The following TDP1 variants were observed in gnomAD, a reference collection of about 807,000 sequenced individuals.
TDP1 encodes tyrosyl-DNA phosphodiesterase 1, also known as tyr-DNA phosphodiesterase 1.
A neutral mutation model predicts 81.5 loss-of-function variants in TDP1; 64 were observed. The ratio of observed to expected loss-of-function variants is 0.79; its 90% CI spans 0.64 to 0.97. The LOEUF is 0.97. TDP1 is among the 50% of genes least tolerant of loss of function. The pLI, the probability that TDP1 is intolerant of heterozygous loss-of-function variation, is 0.00. For synonymous variants in TDP1, 256 were observed against 264.3 expected, an observed-to-expected ratio of 0.97 and a Z score of 0.30; for missense variants, 723 against 743.8, an observed-to-expected ratio of 0.97 and a Z score of 0.33.
chr14:89,964,632 G>A (rs747349696), intron 3 of TDP1, among the ~76,000 whole-genome samples: 13 of 152,280 alleles, frequency 8.5e-5, no homozygotes, highest in South Asian at 6.2e-4. Flanking sequence ...ACATGTTGGA[G>A]TATTTCATAC....
intron 15 of TDP1, among the ~76,000 whole-genome samples, chr14:90,030,939 T>C (rs1362609446): frequency 1.3e-5 from 2 of 151,780 alleles, no homozygotes; most frequent in Non-Finnish European, 2.9e-5. Context: ...TAATTTTTTT[T>C]TTTGTATTTA....
At chr14:89,980,037 C>T (rs1239954315) in intron 7 of TDP1, 1 of 326,584 alleles carries the variant, frequency 3.1e-6, no homozygotes, top group East Asian at 1.7e-4. Flanking sequence ...AAGAAATACA[C>T]TTTACATTTC....
intron 7 of TDP1, 78 bp downstream of exon 7, chr14:89,975,893 T>A: frequency 8.1e-7 from 1 of 1,233,664 alleles, no homozygotes; most frequent in Non-Finnish European, 1.2e-6. Flanking sequence ...TAGGAGAGAC[T>A]GAGCATGGTA....
chr14:89,987,895 G>T (rs1197252933), intron 10 of TDP1, among the ~76,000 whole-genome samples: 7 of 152,080 alleles, frequency 4.6e-5, no homozygotes, highest in East Asian at 3.9e-4. Flanking sequence ...AAAGAAATAT[G>T]GGGGTAGCCT....
At chr14:90,019,751 G>A (rs530940645) in intron 15 of TDP1, among the ~76,000 whole-genome samples, 6 of 152,260 alleles carry the variant, frequency 3.9e-5, no homozygotes, top group African/African-American at 1.4e-4. Context: ...CCAAAGGAAT[G>A]GCCCAATCAA....
chr14:90,029,745 C>T (rs1405821407), intron 15 of TDP1, among the ~76,000 whole-genome samples: 5 of 152,096 alleles, frequency 3.3e-5, no homozygotes, highest in Admixed American at 2.6e-4. Context: ...GTGATCCACC[C>T]GCCTTGGCCT....
chr14:90,029,574 G>T (rs1005162328), intron 15 of TDP1, among the ~76,000 whole-genome samples: 36 of 145,848 alleles, frequency 2.5e-4, no homozygotes, highest in Non-Finnish European at 3.7e-4. Context: ...TCTCGGCTCA[G>T]TGCAACCTCT....
chr14:89,964,705 T>G, intron 3 of TDP1: 1 of 290,118 alleles, frequency 3.4e-6, no homozygotes, highest in Non-Finnish European at 6.7e-6. Flanking sequence ...TTTGTCAAGT[T>G]TTTTGTTTGT....
At chr14:90,031,164 T>C (rs1887240014) in intron 15 of TDP1, among the ~76,000 whole-genome samples, 1 of 152,036 alleles carries the variant, frequency 6.6e-6, no homozygotes, top group South Asian at 2.1e-4. Context: ...ATGTGCAGGT[T>C]AGTTACATAT....
intron 16 of TDP1, 43 bp downstream of exon 16, chr14:90,033,257 G>C (rs1410829997): frequency 2.6e-6 from 3 of 1,152,826 alleles, no homozygotes; most frequent in African/African-American, 3.0e-5. Flanking sequence ...ATATGCATAA[G>C]AAAAACAAAC....
At chr14:89,987,056 A>C (rs981059546) in intron 10 of TDP1, 2 of 152,218 alleles carry the variant, frequency 1.3e-5, no homozygotes, top group African/African-American at 4.8e-5. Flanking sequence ...TGTGTATGTA[A>C]ATATTCTCTT....
chr14:89,991,462 C>T (rs1896172115), intron 12 of TDP1: 1 of 721,646 alleles, frequency 1.4e-6, no homozygotes, highest in East Asian at 1.3e-4. Context: ...TACTTTTATT[C>T]TCGACACAGA....
At chr14:90,005,659 G>C (rs935283044) in intron 14 of TDP1, among the ~76,000 whole-genome samples, 1 of 152,206 alleles carries the variant, frequency 6.6e-6, no homozygotes, top group African/African-American at 2.4e-5. Flanking sequence ...CAAGGTAACA[G>C]AGCTAGCCAA....
chr14:89,994,309 T>C (rs1896479447), intron 14 of TDP1, among the ~76,000 whole-genome samples: 1 of 152,226 alleles, frequency 6.6e-6, no homozygotes, highest in African/African-American at 2.4e-5. Flanking sequence ...AATTGGCTCA[T>C]GCAATTGTAG....
At chr14:90,003,127 G>A (rs1897324988) in intron 14 of TDP1, among the ~76,000 whole-genome samples, 1 of 152,064 alleles carries the variant, frequency 6.6e-6, no homozygotes, top group African/African-American at 2.4e-5. Flanking sequence ...TAGTAGAGAT[G>A]AGGTTTCACG....
At chr14:90,012,781 G>A (rs1479934060) in intron 14 of TDP1, among the ~76,000 whole-genome samples, 1 of 152,044 alleles carries the variant, frequency 6.6e-6, no homozygotes, top group African/African-American at 2.4e-5. Context: ...CAGCTTGCAT[G>A]GTGGGCCTGG....
intron 6 of TDP1, among the ~76,000 whole-genome samples, chr14:89,974,021 T>C (rs1198410946): frequency 6.6e-6 from 1 of 152,142 alleles, no homozygotes; most frequent in East Asian, 1.9e-4. Flanking sequence ...TTAACCTTAA[T>C]TACCTCCATA....
intron 2 of TDP1, among the ~76,000 whole-genome samples, chr14:89,959,365 T>TA (rs1157879760): frequency 6.6e-6 from 1 of 152,230 alleles, no homozygotes; most frequent in Non-Finnish European, 1.5e-5. Context: ...CCAGAGCCTC[T>TA]ATGAGGGAAG....
At chr14:89,959,995 A>G (rs1235433502) in intron 2 of TDP1, among the ~76,000 whole-genome samples, 2 of 152,234 alleles carry the variant, frequency 1.3e-5, no homozygotes, top group Non-Finnish European at 2.9e-5. Context: ...TACTTACTTT[A>G]GAATGGGCAA....
Sources: gnomAD v4.1 joint callset for allele counts (sites outside exome capture counted in the v4.1 genomes callset) on GRCh38, gnomAD v4.1.1 for gene constraint, MANE v1.5 for transcripts, NCBI Gene and HGNC (gene_info 2026-07-23, HGNC 2026-07-21) for gene names.